Variants in GRM7 observed in about 807,000 individuals in gnomAD.
GRM7 encodes the protein glutamate metabotropic receptor 7, also known as metabotropic glutamate receptor 7.
GRM7 carries 35 observed loss-of-function variants against 84.5 expected under a neutral mutation model. The observed-to-expected ratio is 0.41, with a 90% confidence interval of 0.32 to 0.55. The LOEUF (loss-of-function observed/expected upper bound fraction) is 0.55, where lower values mean the gene tolerates loss of function less well. Among genes scored for constraint, GRM7 ranks in the 20% least tolerant of loss-of-function variants. The probability of loss-of-function intolerance (pLI) is 0.19; values close to 1 mark genes in which losing one functional copy is unlikely to be tolerated. For synonymous variants in GRM7, 487 were observed against 455.1 expected (o/e 1.07, Z -0.89); for missense variants, 1,003 against 1,194.6 (o/e 0.84, Z 2.36).
chr3:7,340,519 A>AGTCAC (rs1701599187), intron 4 of GRM7, among the ~76,000 whole-genome samples: 1 of 152,084 alleles, frequency 6.6e-6, no homozygotes, highest in Non-Finnish European at 1.5e-5. Flanking sequence ...CTTGTGATCC[A>AGTCAC]GTCACCTCCC....
chr3:7,295,765 G>C (rs908568941), intron 2 of GRM7, among the ~76,000 whole-genome samples: 1 of 151,448 alleles, frequency 6.6e-6, no homozygotes, highest in African/African-American at 2.4e-5. Flanking sequence ...TGTTTATTGA[G>C]TTCATATCCT....
At position 7,044,710 on chromosome 3, in the gene GRM7, C is replaced by T. The variant is rs115107109; in HGVS notation, c.520-101742C>T. 5.7e-3 allele frequency among the ~76,000 whole-genome samples: 869 copies of T among 152,074 alleles called. 9 individuals carry two copies. Among genetic ancestry groups the T allele is most frequent in the African/African-American group, 0.019 (785 of 41,508 alleles). ...CTCCTATGGAAATGTGGTGTAGTGC[C>T]GATTTTTCATCTCTTCATTTAGTAT... is the stretch of plus-strand genomic sequence containing the variant. On this transcript the variant is annotated intron_variant, in intron 1 of 9. Transcript: ENST00000357716.
chr3:7,428,961 A>C (rs1334018007), intron 5 of GRM7, among the ~76,000 whole-genome samples: 3 of 152,216 alleles, frequency 2.0e-5, no homozygotes, highest in Non-Finnish European at 2.9e-5. Context: ...ACATCAGGAC[A>C]TAACTCAGTA....
intron 1 of GRM7, among the ~76,000 whole-genome samples, chr3:7,010,129 T>C (rs1210332159): frequency 1.3e-5 from 2 of 151,952 alleles, no homozygotes; most frequent in Non-Finnish European, 2.9e-5. Context: ...AAAGGAAACA[T>C]CACAGACAAG....
At chr3:7,304,564 T>C (rs1309865729) in intron 3 of GRM7, among the ~76,000 whole-genome samples, 1 of 151,914 alleles carries the variant, frequency 6.6e-6, no homozygotes, top group Non-Finnish European at 1.5e-5. Context: ...CTGTACGTTC[T>C]TTTTTCTCTA....
chr3:6,876,440 T>A (rs1431817907), intron 1 of GRM7, among the ~76,000 whole-genome samples: 2 of 151,988 alleles, frequency 1.3e-5, no homozygotes, highest in Non-Finnish European at 2.9e-5. Flanking sequence ...CATCCAAGTT[T>A]TTTGAGAGTC....
At chr3:7,661,675 T>G (rs1174666651) in intron 8 of GRM7, among the ~76,000 whole-genome samples, 1 of 150,582 alleles carries the variant, frequency 6.6e-6, no homozygotes, top group South Asian at 2.1e-4. Context: ...GCGCCTGTGG[T>G]CCCAGCTACT....
intron 7 of GRM7, among the ~76,000 whole-genome samples, chr3:7,535,059 A>G (rs940182574): frequency 6.6e-6 from 1 of 152,184 alleles, no homozygotes; most frequent in African/African-American, 2.4e-5. Flanking sequence ...TGTTACATCC[A>G]GAAATGACTA....
intron 8 of GRM7, among the ~76,000 whole-genome samples, chr3:7,623,611 C>A (rs1282618825): frequency 1.3e-5 from 2 of 152,104 alleles, no homozygotes; most frequent in Non-Finnish European, 2.9e-5. Flanking sequence ...GCCCACTTGG[C>A]TGACTGCAGA....
intron 1 of GRM7, among the ~76,000 whole-genome samples, chr3:7,013,352 A>G (rs992633647): frequency 9.2e-5 from 14 of 152,092 alleles, no homozygotes; most frequent in Non-Finnish European, 1.9e-4. Flanking sequence ...AAACTTGTTA[A>G]CTCATGGTTT....
intron 8 of GRM7, among the ~76,000 whole-genome samples, chr3:7,592,702 G>C (rs1695854434): frequency 6.6e-6 from 1 of 152,184 alleles, no homozygotes; most frequent in Admixed American, 6.5e-5. Flanking sequence ...CAAGTGACCA[G>C]TAAAGATTAC....
intron 2 of GRM7, among the ~76,000 whole-genome samples, chr3:7,181,924 G>A (rs1695351148): frequency 6.6e-6 from 1 of 151,962 alleles, no homozygotes; most frequent in African/African-American, 2.4e-5. Flanking sequence ...ATAAGGTGAA[G>A]TCACATAGAA....
intron 7 of GRM7, among the ~76,000 whole-genome samples, chr3:7,491,413 T>G (rs57530639): frequency 0.018 from 421 of 23,904 alleles, 3 homozygotes; most frequent in African/African-American, 0.051. Context: ...ATTTAGATGG[T>G]ATATATATAT....
At chr3:7,166,049 G>T (rs1335204164) in intron 2 of GRM7, among the ~76,000 whole-genome samples, 1 of 152,088 alleles carries the variant, frequency 6.6e-6, no homozygotes, top group African/African-American at 2.4e-5. Context: ...ATGTTCTCCT[G>T]AAAGTTCATT....
chr3:7,201,406 A>T (rs867279767), intron 2 of GRM7, among the ~76,000 whole-genome samples: 1 of 152,048 alleles, frequency 6.6e-6, no homozygotes. Flanking sequence ...TATATACTAG[A>T]TGTGTATATA....
At chr3:7,692,420 C>T (rs1233352050) in intron 9 of GRM7, among the ~76,000 whole-genome samples, 2 of 152,024 alleles carry the variant, frequency 1.3e-5, no homozygotes, top group Non-Finnish European at 2.9e-5. Context: ...AGCTGGGATC[C>T]TACCAAAAAA....
intron 1 of GRM7, among the ~76,000 whole-genome samples, chr3:6,970,143 G>A: frequency 6.6e-6 from 1 of 152,104 alleles, no homozygotes; most frequent in East Asian, 1.9e-4. Context: ...GATTAACCTG[G>A]TTCCCAGCCA....
intron 2 of GRM7, among the ~76,000 whole-genome samples, chr3:7,158,450 A>T (rs1694522629): frequency 6.6e-6 from 1 of 151,374 alleles, no homozygotes; most frequent in Non-Finnish European, 1.5e-5. Context: ...TGCCTGGTAA[A>T]CCCTCCCCTT....
chr3:7,589,137 G>C (rs927782426), intron 8 of GRM7, among the ~76,000 whole-genome samples: 4 of 152,224 alleles, frequency 2.6e-5, no homozygotes, highest in Non-Finnish European at 5.9e-5. Flanking sequence ...TTGTTGATGA[G>C]GTGAAGGCTG....
Sources: gnomAD v4.1 joint callset for allele counts (sites outside exome capture counted in the v4.1 genomes callset) on GRCh38, gnomAD v4.1.1 for gene constraint, MANE v1.5 for transcripts, NCBI Gene and HGNC (gene_info 2026-07-23, HGNC 2026-07-21) for gene names.